RAPGEF4: variants seen among roughly 807,000 people sequenced by gnomAD.
RAPGEF4 encodes Rap guanine nucleotide exchange factor 4.
Under a neutral mutation model 147.9 loss-of-function variants are expected in RAPGEF4, and 66 were observed. The ratio of observed to expected loss-of-function variants is 0.45; its 90% confidence interval spans 0.37 to 0.55. RAPGEF4 has a LOEUF of 0.55. RAPGEF4 is among the 20% of genes least tolerant of loss of function. RAPGEF4 has a pLI of 0.00. For synonymous variants in RAPGEF4, 419 were observed against 442.7 expected, an observed-to-expected ratio of 0.95 and a Z score of 0.67; for missense variants, 1,071 against 1,257.3, an observed-to-expected ratio of 0.85 and a Z score of 2.24.
At chr2:172,775,580 C>T (rs1227841884) in intron 1 of RAPGEF4, among the ~76,000 whole-genome samples, 1 of 152,110 alleles carries the variant, frequency 6.6e-6, no homozygotes, top group Non-Finnish European at 1.5e-5. Flanking sequence ...TGCCATTTTC[C>T]ACACTGAAGG....
intron 4 of RAPGEF4, among the ~76,000 whole-genome samples, chr2:172,859,443 A>G (rs1350389082): frequency 6.6e-6 from 1 of 152,254 alleles, no homozygotes; most frequent in Non-Finnish European, 1.5e-5. Context: ...AGGAATTGAC[A>G]GCTCATGAAT....
chr2:172,753,584 T>C (rs926766628), intron 1 of RAPGEF4, among the ~76,000 whole-genome samples: 3 of 152,166 alleles, frequency 2.0e-5, no homozygotes, highest in Admixed American at 6.5e-5. Flanking sequence ...TTCATATCAT[T>C]ATACAGGAAA....
chr2:172,991,020 G>C lies in RAPGEF4; in HGVS notation c.1490+95G>C, dbSNP rs1039495320. 6.5e-6 allele frequency: 6 copies of C among 921,574 alleles called. No homozygotes were observed. In the African/African-American group the frequency reaches 9.9e-5, roughly 15 times the overall value. The allele number at this position is 921,574 out of a possible 1,614,324, so 57.1% of individuals were successfully genotyped here. A position where few individuals can be genotyped will look rare whatever the true frequency, so the allele number is the denominator to read the frequency against. On this transcript the variant is annotated intron_variant, in intron 15 of 30. Coordinates refer to ENST00000397081, the MANE Select transcript of RAPGEF4 (RefSeq NM_007023.4). ...CAATAGCATGTTCTCCTTTTTTGTG[G>C]AAGATGGCAGTGTATGTGACTTTTT...
At chr2:172,760,034 G>A (rs1696150007) in intron 1 of RAPGEF4, among the ~76,000 whole-genome samples, 1 of 152,088 alleles carries the variant, frequency 6.6e-6, no homozygotes, top group Non-Finnish European at 1.5e-5. Flanking sequence ...ACACCAATGG[G>A]CACAGACAAA....
At chr2:172,935,047 C>T (rs138802489) in intron 6 of RAPGEF4, among the ~76,000 whole-genome samples, 284 of 152,242 alleles carry the variant, frequency 1.9e-3, no homozygotes, top group African/African-American at 6.4e-3. Flanking sequence ...TATGGTGGCA[C>T]GCACCTGTAG....
chr2:172,893,402 G>A (rs1184062117), intron 4 of RAPGEF4, among the ~76,000 whole-genome samples: 1 of 152,194 alleles, frequency 6.6e-6, no homozygotes, highest in Non-Finnish European at 1.5e-5. Flanking sequence ...TCAGTGAAGA[G>A]ACAAGGAGCA....
Position 173,046,763 on chromosome 2 carries a change from G to A in RAPGEF4, c.2854-1837G>A, listed in dbSNP as rs182637358. ...GGATGTGTCAGTTTTCACGATCTTT[G>A]ATGAAGTGAAGTTCTAACTTTTCCA... On this transcript the variant is annotated intron_variant, in intron 29 of 30. Coordinates refer to ENST00000397081, the MANE Select transcript of RAPGEF4 (RefSeq NM_007023.4). 4.4e-3 allele frequency among the ~76,000 whole-genome samples: 671 copies of A among 152,274 alleles called. 10 individuals are homozygous for A. The highest frequency in any genetic ancestry group is 0.016 in the African/African-American group (650 of 41,560).
intron 16 of RAPGEF4, among the ~76,000 whole-genome samples, chr2:173,000,644 G>A (rs1473992925): frequency 7.2e-5 from 11 of 152,052 alleles, no homozygotes; most frequent in Non-Finnish European, 1.5e-4. Flanking sequence ...TCACATATAG[G>A]ACAGTCACCA....
chr2:172,748,039 GTA>G (rs1349315217), intron 1 of RAPGEF4, among the ~76,000 whole-genome samples: 1 of 152,120 alleles, frequency 6.6e-6, no homozygotes, highest in Non-Finnish European at 1.5e-5. Flanking sequence ...TATTCATTGT[GTA>G]TATATACACC....
chr2:172,984,762 T>C (rs1446979), intron 11 of RAPGEF4, among the ~76,000 whole-genome samples: 143,269 of 152,150 alleles, frequency 0.94, 68,085 homozygotes, highest in East Asian at 1. Flanking sequence ...ACCCAGCATG[T>C]CCCGATCCGA....
At chr2:172,864,481 T>TC (rs1362617023) in intron 4 of RAPGEF4, among the ~76,000 whole-genome samples, 5 of 152,166 alleles carry the variant, frequency 3.3e-5, no homozygotes, top group Non-Finnish European at 7.3e-5. Context: ...CTGAGGAACC[T>TC]CCAGTGTACG....
intron 4 of RAPGEF4, among the ~76,000 whole-genome samples, chr2:172,857,206 C>T (rs1693523615): frequency 6.8e-6 from 1 of 147,780 alleles, no homozygotes; most frequent in Non-Finnish European, 1.5e-5. Flanking sequence ...ACACACAGAG[C>T]GAGTCTTAGT....
chr2:172,961,706 T>C (rs1413425920), intron 8 of RAPGEF4, among the ~76,000 whole-genome samples: 1 of 152,168 alleles, frequency 6.6e-6, no homozygotes, highest in African/African-American at 2.4e-5. Context: ...ACAAGTCTAG[T>C]GAGTGGCAGG....
At chr2:172,803,141 C>A (rs546324431) in intron 3 of RAPGEF4, among the ~76,000 whole-genome samples, 1 of 152,298 alleles carries the variant, frequency 6.6e-6, no homozygotes, top group Non-Finnish European at 1.5e-5. Flanking sequence ...AGGATACCAG[C>A]TGTTTTCACA....
chr2:173,032,106 G>A (rs1697246028), intron 26 of RAPGEF4, among the ~76,000 whole-genome samples: 2 of 152,174 alleles, frequency 1.3e-5, no homozygotes, highest in Non-Finnish European at 2.9e-5. Context: ...AGATCAAGCT[G>A]AGATGAAGCA....
At chr2:173,000,177 A>G (rs1295238934) in intron 16 of RAPGEF4, among the ~76,000 whole-genome samples, 3 of 152,152 alleles carry the variant, frequency 2.0e-5, no homozygotes, top group Non-Finnish European at 4.4e-5. Context: ...GTATAACGGG[A>G]CTGAAGACCT....
chr2:172,969,909 C>A (rs17300973), intron 10 of RAPGEF4, among the ~76,000 whole-genome samples: 1 of 152,020 alleles, frequency 6.6e-6, no homozygotes, highest in South Asian at 2.1e-4. Flanking sequence ...TATTACATTC[C>A]AAAACTGACA....
In RAPGEF4 at chr2:173,040,947, T is replaced by C. The variant is rs750018011; in HGVS notation, c.2853+4255T>C. 1.4e-4 allele frequency among the ~76,000 whole-genome samples: 21 copies of C among 152,200 alleles called. 1 individual carries two copies. The highest frequency in any genetic ancestry group is 2.4e-4 in the Non-Finnish European group (16 of 68,036). On this transcript the variant is annotated intron_variant, in intron 29 of 30. Coordinates refer to ENST00000397081, the MANE Select transcript of RAPGEF4 (RefSeq NM_007023.4). The stretch of plus-strand genomic sequence containing the variant: ...GGATAATATGCTGGCCACCTGCCAC[T>C]ATCCCAGGCTGCATAAAGCATGCTG...
At chr2:172,894,015 A>C (rs1246223134) in intron 4 of RAPGEF4, 1 of 152,536 alleles carries the variant, frequency 6.6e-6, no homozygotes, top group Non-Finnish European at 1.5e-5. Flanking sequence ...ATTTTAATTC[A>C]TTTTTCTATA....
Sources: gnomAD v4.1 joint callset for allele counts (sites outside exome capture counted in the v4.1 genomes callset) on GRCh38, gnomAD v4.1.1 for gene constraint, MANE v1.5 for transcripts, NCBI Gene and HGNC (gene_info 2026-07-23, HGNC 2026-07-21) for gene names.